MBNL3: variants seen among roughly 807,000 people sequenced by gnomAD.
MBNL3 encodes muscleblind like splicing regulator 3.
A neutral mutation model predicts 24.5 loss-of-function variants in MBNL3; 6 were observed. That is an observed-to-expected ratio of 0.25 (90% CI 0.13 to 0.48). The LOEUF (loss-of-function observed/expected upper bound fraction) is 0.48, where lower values mean the gene tolerates loss of function less well. Ranked by LOEUF, MBNL3 falls within the 20% of genes least tolerant of loss-of-function variation. The pLI, the probability that MBNL3 is intolerant of heterozygous loss-of-function variation, is 0.99. For synonymous variants in MBNL3, 100 were observed against 101.7 expected (o/e 0.98, Z 0.10); for missense variants, 230 against 293.5 (o/e 0.78, Z 1.58).
intron 1 of MBNL3, among the ~76,000 whole-genome samples, chrX:132,450,038 G>C (rs1197995950): frequency 1.1e-5 from 1 of 88,076 alleles, no homozygotes; most frequent in Non-Finnish European, 2.1e-5. Context: ...TCTGCTGTTA[G>C]TCTGATGGGC....
chrX:132,463,329 G>C (rs891516591), intron 1 of MBNL3, among the ~76,000 whole-genome samples: 1 of 111,392 alleles, frequency 9.0e-6, no homozygotes, highest in Non-Finnish European at 1.9e-5. Flanking sequence ...GGGCATGGTG[G>C]CTCACGCCTG....
chrX:132,381,360 G>A, intron 8 of MBNL3: 1 of 1,125,991 alleles, frequency 8.9e-7, no homozygotes, highest in Non-Finnish European at 1.2e-6. Context: ...GAAACTTACT[G>A]TTCTACTGAG....
Position 132,370,833 on chromosome X carries a change from A to C in MBNL3, c.*8833T>G, listed in dbSNP as rs920597649. 2 of 111,631 alleles carry C rather than the reference A, an allele frequency of 1.8e-5. No individual in the cohort carries two copies. Among genetic ancestry groups the C allele is most frequent in the African/African-American group, 6.5e-5 (2 of 30,645 alleles). The allele number at this position is 111,631 out of a possible 1,213,427, so 9.2% of individuals were successfully genotyped here. On this transcript the variant is annotated 3_prime_UTR_variant, in exon 9 of 9. Transcript: ENST00000370853. ...AGGGATGAGAAAAGGATGCTGTGAA[A>C]AGAATTTGAAAAGTACCCAAGACAA...
chrX:132,405,613 C>T (rs1483648746), intron 3 of MBNL3, among the ~76,000 whole-genome samples: 2 of 111,344 alleles, frequency 1.8e-5, no homozygotes, highest in Non-Finnish European at 3.8e-5. Flanking sequence ...GCCGGGCTCA[C>T]GCCTGTAATT....
chrX:132,472,315 G>C (rs971357353), intron 1 of MBNL3, among the ~76,000 whole-genome samples: 8 of 112,004 alleles, frequency 7.1e-5, no homozygotes, highest in African/African-American at 2.6e-4. Context: ...TGCACTTTCA[G>C]ACAAAAGGGA....
intron 1 of MBNL3, among the ~76,000 whole-genome samples, chrX:132,482,267 T>C (rs1459270633): frequency 8.9e-6 from 1 of 112,723 alleles, no homozygotes; most frequent in Non-Finnish European, 1.9e-5. Context: ...TTTGAGGTGA[T>C]GGATATGCTA....
intron 1 of MBNL3, among the ~76,000 whole-genome samples, chrX:132,474,172 C>T (rs901154147): frequency 2.7e-5 from 3 of 111,113 alleles, no homozygotes; most frequent in African/African-American, 6.5e-5. Flanking sequence ...AGTTGTCAGA[C>T]GCAACATAAG....
intron 5 of MBNL3, among the ~76,000 whole-genome samples, chrX:132,390,210 C>A (rs377528323): frequency 2.4e-5 from 2 of 84,092 alleles, no homozygotes; most frequent in Non-Finnish European, 4.5e-5. Context: ...ACAACAACAA[C>A]AAAAAACACA....
At chrX:132,485,388 T>C (rs1036802793) in intron 1 of MBNL3, among the ~76,000 whole-genome samples, 1 of 112,043 alleles carries the variant, frequency 8.9e-6, no homozygotes, top group African/African-American at 3.2e-5. Flanking sequence ...TGTCACTCAA[T>C]CTAATACCAA....
At chrX:132,469,112 C>T (rs1310323488) in intron 1 of MBNL3, among the ~76,000 whole-genome samples, 2 of 111,897 alleles carry the variant, frequency 1.8e-5, no homozygotes, top group South Asian at 3.7e-4. Context: ...GAGAAGAATA[C>T]CGTGGATGGG....
rs1164211244 is a variant in MBNL3 at position 132,374,603 on chromosome X, C to T, written c.*5063G>A. 4 of 111,236 alleles carry T rather than the reference C, an allele frequency of 3.6e-5. No homozygotes were observed. Among genetic ancestry groups the T allele is most frequent in the Non-Finnish European group, 7.6e-5 (4 of 52,880 alleles). The allele number at this position is 111,236 out of a possible 1,213,427, so 9.2% of individuals were successfully genotyped here. ...TTCCACTATTATCACAGACTTCTTA[C>T]ATTTAAAAAAAGCTCCAAGGATTGC... On this transcript the variant is annotated 3_prime_UTR_variant, in exon 9 of 9. Coordinates refer to ENST00000370853, the MANE Select transcript of MBNL3 (RefSeq NM_001386889.1).
rs982456544 is a variant in MBNL3, at chrX:132,386,750, C to A, written c.833G>T (p.Gly278Val). The change falls in exon 6 of 9, where the codon GGT becomes GTT. Residue 278 changes from glycine to valine, a missense_variant. Gly to Val is a moderately radical substitution (Grantham distance 109). Coordinates refer to ENST00000370853, the MANE Select transcript of MBNL3 (RefSeq NM_001386889.1). Reference sequence around the variant, plus strand: ...AGTGGGATTAAAGACCGGGGTGGCACCATTGGGCTTTTCCAGTGCTGATCT... The same window carrying A: ...AGTGGGATTAAAGACCGGGGTGGCAACATTGGGCTTTTCCAGTGCTGATCT... ...PKRSALEKPNGATPVFNPTVF... is the reference protein window; with the variant it reads ...PKRSALEKPNVATPVFNPTVF... The A allele has an allele frequency of 1.7e-6, 2 of 1,210,812 alleles. No individual in the cohort carries two copies. Among genetic ancestry groups the A allele is most frequent in the Non-Finnish European group, 2.2e-6 (2 of 895,219 alleles).
chrX:132,429,574 T>C, intron 2 of MBNL3, among the ~76,000 whole-genome samples: 1 of 112,210 alleles, frequency 8.9e-6, no homozygotes, highest in Middle Eastern at 4.6e-3. Flanking sequence ...TGAAGGTTAA[T>C]AAAGTCTTAA....
chrX:132,416,441 G>A (rs909528856), intron 2 of MBNL3, among the ~76,000 whole-genome samples: 1 of 111,867 alleles, frequency 8.9e-6, no homozygotes, highest in Non-Finnish European at 1.9e-5. Context: ...AAAGGGTAGT[G>A]AGAAGGGGTT....
chrX:132,423,471 C>T (rs1315985647), intron 2 of MBNL3, among the ~76,000 whole-genome samples: 5 of 110,987 alleles, frequency 4.5e-5, no homozygotes, highest in Non-Finnish European at 7.6e-5. Context: ...AAAAGACAAG[C>T]TAAAAGGAGG....
chrX:132,439,644 CTT>C lies in MBNL3; in HGVS notation c.-35_-34del, dbSNP rs766251421. 25 of 1,158,737 alleles carry C rather than the reference CTT, an allele frequency of 2.2e-5. No homozygotes were observed. Among genetic ancestry groups the C allele is most frequent in the Non-Finnish European group, 2.8e-5 (24 of 869,542 alleles). On this transcript the variant is annotated 5_prime_UTR_variant, in exon 2 of 9. Transcript: ENST00000370853. ...GCAAAATTAAAATCCAATGTACCCT[CTT>C]TAGGACAATATTACTGTGGACTATT...
intron 1 of MBNL3, among the ~76,000 whole-genome samples, chrX:132,466,367 T>TGAG (rs1946885473): frequency 8.9e-6 from 1 of 112,203 alleles, no homozygotes; most frequent in South Asian, 3.7e-4. Flanking sequence ...TCTTCCTCAC[T>TGAG]GGCAGCTATT....
chrX:132,427,701 C>T (rs1179226493), intron 2 of MBNL3, among the ~76,000 whole-genome samples: 1 of 111,673 alleles, frequency 9.0e-6, no homozygotes, highest in Non-Finnish European at 1.9e-5. Context: ...AATCTACTCA[C>T]TGTATTTAGA....
chrX:132,409,148 GT>G (rs1487019460), intron 2 of MBNL3, among the ~76,000 whole-genome samples: 2 of 112,290 alleles, frequency 1.8e-5, no homozygotes, highest in Non-Finnish European at 3.8e-5. Context: ...ACAACACTTG[GT>G]GATAATAAAT....
Sources: gnomAD v4.1 joint callset for allele counts (sites outside exome capture counted in the v4.1 genomes callset) on GRCh38, gnomAD v4.1.1 for gene constraint, MANE v1.5 for transcripts, NCBI Gene and HGNC (gene_info 2026-07-23, HGNC 2026-07-21) for gene names.